Variants in FHOD3 observed in about 807,000 individuals in gnomAD.
FHOD3 encodes the protein FH1/FH2 domain-containing protein 3.
A neutral mutation model predicts 173.0 loss-of-function variants in FHOD3; 90 were observed. The ratio of observed to expected loss-of-function variants is 0.52; its 90% CI spans 0.44 to 0.62. The LOEUF (loss-of-function observed/expected upper bound fraction) is 0.62, where lower values mean the gene tolerates loss of function less well. FHOD3 is among the 20% of genes least tolerant of loss of function. The pLI, the probability that FHOD3 is intolerant of heterozygous loss-of-function variation, is 0.00. For synonymous variants in FHOD3, 828 were observed against 823.0 expected, an observed-to-expected ratio of 1.01 and a Z score of -0.10; for missense variants, 1,945 against 2,034.7, an observed-to-expected ratio of 0.96 and a Z score of 0.85.
At chr18:36,493,090 C>G (rs138681304) in intron 3 of FHOD3, among the ~76,000 whole-genome samples, 1 of 152,068 alleles carries the variant, frequency 6.6e-6, no homozygotes, top group African/African-American at 2.4e-5. Flanking sequence ...ATGTTGGATT[C>G]GGTCCATGAT....
intron 19 of FHOD3, among the ~76,000 whole-genome samples, chr18:36,725,666 C>T (rs1230371458): frequency 1.3e-5 from 2 of 152,188 alleles, no homozygotes; most frequent in African/African-American, 4.8e-5. Flanking sequence ...TGGGTTCCTG[C>T]TTTCCCCTGG....
chr18:36,420,088 T>G (rs1416450533), intron 3 of FHOD3, among the ~76,000 whole-genome samples: 2 of 152,208 alleles, frequency 1.3e-5, no homozygotes, highest in Non-Finnish European at 2.9e-5. Context: ...GCTGAGCTTC[T>G]CTTGGAATGC....
chr18:36,565,032 G>A (rs867183758), intron 5 of FHOD3, among the ~76,000 whole-genome samples: 1 of 152,196 alleles, frequency 6.6e-6, no homozygotes, highest in South Asian at 2.1e-4. Flanking sequence ...TGCTGTAATA[G>A]GTATTGAAAG....
intron 19 of FHOD3, among the ~76,000 whole-genome samples, chr18:36,728,808 T>C (rs138521457): frequency 6.6e-6 from 1 of 152,172 alleles, no homozygotes; most frequent in Non-Finnish European, 1.5e-5. Flanking sequence ...GGCCCCTGCT[T>C]TAGAGAACAA....
At chr18:36,566,459 G>A (rs116852250) in intron 5 of FHOD3, among the ~76,000 whole-genome samples, 1 of 152,300 alleles carries the variant, frequency 6.6e-6, no homozygotes, top group Non-Finnish European at 1.5e-5. Flanking sequence ...GGTAGCAAAA[G>A]GTTCAGAGAC....
intron 5 of FHOD3, among the ~76,000 whole-genome samples, chr18:36,563,840 A>G (rs1164232602): frequency 2.6e-5 from 4 of 151,984 alleles, no homozygotes; most frequent in African/African-American, 7.3e-5. Context: ...ATCCTCCTCT[A>G]ATTACTCAGG....
chr18:36,720,864 C>G (rs553837063), intron 19 of FHOD3, among the ~76,000 whole-genome samples: 1 of 152,162 alleles, frequency 6.6e-6, no homozygotes, highest in Admixed American at 6.5e-5. Context: ...GGTTCCCGAT[C>G]AGGTTGCTGG....
chr18:36,386,841 T>C (rs2048058419), intron 3 of FHOD3, among the ~76,000 whole-genome samples: 1 of 151,974 alleles, frequency 6.6e-6, no homozygotes. Flanking sequence ...GGGGTCTAGC[T>C]TGGGGGGATT....
At chr18:36,779,345 C>T (rs2043931918) in intron 28 of FHOD3, 103 bp from the exon 29 acceptor site, 2 of 1,023,426 alleles carry the variant, frequency 2.0e-6, no homozygotes, top group African/African-American at 1.6e-5. Flanking sequence ...TCTGGAAGTC[C>T]CTGGGGAGAA....
intron 17 of FHOD3, among the ~76,000 whole-genome samples, chr18:36,697,656 T>A (rs988830756): frequency 6.6e-5 from 10 of 152,232 alleles, no homozygotes; most frequent in Non-Finnish European, 1.3e-4. Context: ...ACGGCCTATA[T>A]GGCCATGGCC....
chr18:36,468,976 C>T (rs1321687349), intron 3 of FHOD3, among the ~76,000 whole-genome samples: 1 of 152,130 alleles, frequency 6.6e-6, no homozygotes, highest in Non-Finnish European at 1.5e-5. Flanking sequence ...GGACAGTTAA[C>T]AAGTAAACAA....
chr18:36,319,166 A>G (rs914209413), intron 1 of FHOD3, among the ~76,000 whole-genome samples: 4 of 152,072 alleles, frequency 2.6e-5, no homozygotes, highest in Non-Finnish European at 5.9e-5. Flanking sequence ...TTCATCAGTG[A>G]TATTGGCCTA....
chr18:36,405,711 G>A lies in FHOD3; in HGVS notation c.337+32967G>A, dbSNP rs115441078. ...TCGTAAGTTTCCCAAAGAGCTAGCT[G>A]TGAGGACATGTTTATATGACTGTGA... On this transcript the variant is annotated intron_variant, in intron 3 of 28. Transcript: ENST00000590592. Among the ~76,000 whole-genome samples the A allele has an allele frequency of 3.0e-3, 452 of 152,362 alleles. 2 individuals carry two copies. The highest frequency in any genetic ancestry group is 0.01 in the African/African-American group (432 of 41,582).
At chr18:36,642,308 T>C (rs1039643587) in intron 10 of FHOD3, among the ~76,000 whole-genome samples, 2 of 152,128 alleles carry the variant, frequency 1.3e-5, no homozygotes, top group African/African-American at 2.4e-5. Flanking sequence ...AAAAATTGTT[T>C]CGTTACATAT....
At chr18:36,385,900 C>A (rs2048008716) in intron 3 of FHOD3, among the ~76,000 whole-genome samples, 2 of 152,142 alleles carry the variant, frequency 1.3e-5, no homozygotes, top group Non-Finnish European at 2.9e-5. Context: ...GAGGAGGAAG[C>A]TCCTGAGTGC....
At chr18:36,670,379 T>C (rs2037453285) in intron 14 of FHOD3, among the ~76,000 whole-genome samples, 1 of 152,166 alleles carries the variant, frequency 6.6e-6, no homozygotes, top group African/African-American at 2.4e-5. Flanking sequence ...ATTGGGTCAT[T>C]TGAAGTTTCC....
intron 5 of FHOD3, among the ~76,000 whole-genome samples, chr18:36,557,258 A>T (rs2057924507): frequency 6.6e-6 from 1 of 152,036 alleles, no homozygotes; most frequent in African/African-American, 2.4e-5. Context: ...CACCTCCTTC[A>T]TCTTCTCTCT....
chr18:36,715,960 G>A (rs1409925579), intron 18 of FHOD3, among the ~76,000 whole-genome samples: 1 of 152,188 alleles, frequency 6.6e-6, no homozygotes, highest in African/African-American at 2.4e-5. Flanking sequence ...AGAAGTTGCT[G>A]TAGCTAACGA....
At chr18:36,533,439 G>A (rs1192729738) in intron 5 of FHOD3, among the ~76,000 whole-genome samples, 5 of 152,228 alleles carry the variant, frequency 3.3e-5, no homozygotes, top group East Asian at 1.9e-4. Context: ...TCTTCAAGGG[G>A]CATGCTGCTG....
Sources: allele counts gnomAD v4.1 joint callset (sites outside exome capture counted in the v4.1 genomes callset), GRCh38; gene constraint gnomAD v4.1.1; transcripts MANE v1.5; gene names NCBI Gene and HGNC (gene_info 2026-07-23, HGNC 2026-07-21).